Variants in PISD observed in about 807,000 individuals in gnomAD.
The protein encoded by PISD is phosphatidylserine decarboxylase.
Under a neutral mutation model 43.5 loss-of-function variants are expected in PISD, and 31 were observed. The observed-to-expected ratio is 0.71, with a 90% CI of 0.54 to 0.96. The LOEUF (loss-of-function observed/expected upper bound fraction) is 0.96. Among genes scored for constraint, PISD ranks in the 40% least tolerant of loss-of-function variants. PISD has a pLI of 0.00. For synonymous variants in PISD, 259 were observed against 228.7 expected (o/e 1.13, Z -1.20); for missense variants, 523 against 548.4 (o/e 0.95, Z 0.46).
At chr22:31,641,544 C>T (rs2009893) in intron 3 of PISD, among the ~76,000 whole-genome samples, 12,550 of 151,620 alleles carry the variant, frequency 0.083, 613 homozygotes, top group African/African-American at 0.15. Flanking sequence ...TGGCCAGGTG[C>T]GGTGGCTCAC....
intron 1 of PISD, among the ~76,000 whole-genome samples, chr22:31,661,937 C>T (rs1438885476): frequency 2.0e-5 from 3 of 152,182 alleles, no homozygotes; most frequent in Non-Finnish European, 4.4e-5. Context: ...AAGGGCAAAG[C>T]GCGAGCTTCT....
intron 1 of PISD, among the ~76,000 whole-genome samples, chr22:31,654,362 T>C (rs2074109777): frequency 1.3e-5 from 2 of 152,168 alleles, no homozygotes; most frequent in African/African-American, 4.8e-5. Context: ...ATCTCTTCTC[T>C]ACCTATAAAC....
At chr22:31,625,765 T>C in intron 3 of PISD, 1 of 1,588,580 alleles carries the variant, frequency 6.3e-7, no homozygotes, top group Non-Finnish European at 8.6e-7. Context: ...CATCTCACCA[T>C]TTCGCCGCGC....
intron 3 of PISD, chr22:31,629,788 G>T (rs1457178926): frequency 6.6e-6 from 1 of 152,176 alleles, no homozygotes; most frequent in Non-Finnish European, 1.5e-5. Flanking sequence ...GCAGTCTGCA[G>T]CCCGCAGCCA....
At chr22:31,628,234 C>A in intron 3 of PISD, 1 of 976,840 alleles carries the variant, frequency 1.0e-6, no homozygotes, top group Non-Finnish European at 1.2e-6. Flanking sequence ...AGAAGGGGCG[C>A]CTAGAGGTTG....
chr22:31,623,913 C>G, intron 3 of PISD: 1 of 1,470,202 alleles, frequency 6.8e-7, no homozygotes. Context: ...ACCCAGGAGG[C>G]TGCCACCTGC....
chr22:31,645,323 T>C (rs2073852452), intron 3 of PISD, among the ~76,000 whole-genome samples: 1 of 151,568 alleles, frequency 6.6e-6, no homozygotes, highest in Non-Finnish European at 1.5e-5. Context: ...GAGGATGGCT[T>C]GAGCCTAGGA....
At position 31,630,832 on chromosome 22, in the gene PISD, G is replaced by A. The variant is rs187075448; in HGVS notation, c.322-8947C>T. ...CAGGTGGCTCCAGCTTCCGGGCTCC[G>A]ACTCCCTAGGGGCGCTCCCGGAGCC... On this transcript the variant is annotated intron_variant, in intron 3 of 7. Transcript: ENST00000439502. The surrounding 1 kb of genome is among the most constrained non-coding windows in gnomAD (Gnocchi z 4.4). The A allele has an allele frequency of 1.1e-3, 1,119 of 985,478 alleles. 6 individuals are homozygous for A. The African/African-American group carries it at 0.014, about 12-fold the overall frequency. 61.0% of individuals were successfully genotyped at this position (985,478 alleles called of 1,614,324 possible). A position where few individuals can be genotyped will look rare whatever the true frequency, so the allele number is the denominator to read the frequency against.
At chr22:31,654,894 G>A (rs773941726) in intron 1 of PISD, among the ~76,000 whole-genome samples, 2 of 151,934 alleles carry the variant, frequency 1.3e-5, no homozygotes, top group Non-Finnish European at 2.9e-5. Context: ...TGGGCAACAC[G>A]GTAAAACCCA....
intron 3 of PISD, among the ~76,000 whole-genome samples, chr22:31,634,374 A>C (rs908981811): frequency 2.0e-5 from 3 of 152,152 alleles, no homozygotes; most frequent in Admixed American, 2.0e-4. Flanking sequence ...TACACACCAG[A>C]TTCTCCTATC....
intron 3 of PISD, chr22:31,625,502 A>G: frequency 3.4e-6 from 2 of 583,550 alleles, no homozygotes; most frequent in South Asian, 4.1e-5. Context: ...CAGGGTAGGG[A>G]AGATCGCAGG....
chr22:31,660,738 T>C (rs753166394), intron 1 of PISD, among the ~76,000 whole-genome samples: 3 of 152,156 alleles, frequency 2.0e-5, no homozygotes, highest in Non-Finnish European at 4.4e-5. Flanking sequence ...ACTTTATTTA[T>C]TTTTAATTTT....
Position 31,620,566 on chromosome 22 carries a change from A to T in PISD, c.992T>A (p.Ile331Asn). The change falls in exon 7 of 8, where the codon ATC (isoleucine) becomes AAC (asparagine). Residue 331 changes from isoleucine to asparagine, a missense_variant. Physicochemically the swap from Ile to Asn is moderately radical, Grantham distance 149. Transcript: ENST00000439502. ...GATCCTGCTTACCCGGTCAAAGTAG[A>T]TGCGAATGGAGCCCACGTTGGTGGC... ...VGATNVGSIR[I>N]YFDRDLHTNS... 6.2e-7 allele frequency: 1 copy of T among 1,614,226 alleles called. No homozygotes were observed.
At chr22:31,660,428 G>A (rs1351749751) in intron 1 of PISD, among the ~76,000 whole-genome samples, 3 of 152,158 alleles carry the variant, frequency 2.0e-5, no homozygotes, top group Non-Finnish European at 4.4e-5. Context: ...GAAAGTGGGT[G>A]GATCACTTGA....
At chr22:31,619,934 C>T (rs2072408182) in intron 7 of PISD, 98 bp from the exon 8 acceptor site, 1 of 760,784 alleles carries the variant, frequency 1.3e-6, no homozygotes, top group South Asian at 1.8e-5. Flanking sequence ...GTTGCTTGTC[C>T]CCACCACCAC....
intron 1 of PISD, among the ~76,000 whole-genome samples, chr22:31,653,968 C>T (rs2074101756): frequency 6.6e-6 from 1 of 152,166 alleles, no homozygotes; most frequent in Admixed American, 6.6e-5. Flanking sequence ...ACACTGTCTA[C>T]CATGCTATCA....
At chr22:31,645,003 T>C (rs2073843123) in intron 3 of PISD, among the ~76,000 whole-genome samples, 1 of 151,990 alleles carries the variant, frequency 6.6e-6, no homozygotes, top group South Asian at 2.1e-4. Context: ...GCACCTGTAA[T>C]CCCAGCTACT....
intron 3 of PISD, among the ~76,000 whole-genome samples, chr22:31,624,126 G>A (rs550902364): frequency 6.2e-4 from 94 of 152,270 alleles, no homozygotes; most frequent in African/African-American, 2.2e-3. Flanking sequence ...TGTGGGGGCA[G>A]CCGCAAGAGG....
Position 31,626,020 on chromosome 22 carries a change from T to C in PISD, c.322-4135A>G. On this transcript the variant is annotated intron_variant, in intron 3 of 7. Coordinates refer to ENST00000439502, the MANE Select transcript of PISD (RefSeq NM_001326411.2). ...GGTGCAGAATAGAGGGTCAGGGCTA[T>C]TGCAGACAGACAGGCACTGGTCACA... is the stretch of plus-strand genomic sequence containing the variant. The C allele has an allele frequency of 2.1e-6, 3 of 1,435,144 alleles. No individual in the cohort carries two copies. The South Asian group carries it at 4.4e-5, about 21-fold the overall frequency. The allele number at this position is 1,435,144 out of a possible 1,614,324, so 88.9% of individuals were successfully genotyped here. A position where few individuals can be genotyped will look rare whatever the true frequency, so the allele number is the denominator to read the frequency against.
Sources: gnomAD v4.1 joint callset for allele counts (sites outside exome capture counted in the v4.1 genomes callset) on GRCh38, gnomAD v4.1.1 for gene constraint, Gnocchi (gnomAD v3.1) non-coding constraint, MANE v1.5 for transcripts, NCBI Gene and HGNC (gene_info 2026-07-23, HGNC 2026-07-21) for gene names.